Variants in NCKAP5 observed in about 807,000 individuals in gnomAD.
NCKAP5 encodes the protein nck-associated protein 5.
A neutral mutation model predicts 167.0 loss-of-function variants in NCKAP5; 92 were observed. The ratio of observed to expected loss-of-function variants is 0.55; its 90% confidence interval spans 0.47 to 0.66. NCKAP5 has a LOEUF of 0.66. Ranked by LOEUF, NCKAP5 falls within the 30% of genes least tolerant of loss-of-function variation. The pLI is 0.00. For synonymous variants in NCKAP5, 891 were observed against 877.4 expected, an observed-to-expected ratio of 1.02 and a Z score of -0.27; for missense variants, 2,378 against 2,315.0, an observed-to-expected ratio of 1.03 and a Z score of -0.56.
Position 133,431,457 on chromosome 2 carries a change from C to T in NCKAP5, c.69+86001G>A, listed in dbSNP as rs187866071. Among the ~76,000 whole-genome samples the T allele has an allele frequency of 2.0e-5, 3 of 152,206 alleles. No homozygotes were observed. In the East Asian group the frequency reaches 5.8e-4, roughly 29 times the overall value. ...AGACAACCGTTTCCAAGGTATACAG[C>T]TTGGAGGCCCTGAAGGCTTTTTCTT... On this transcript the variant is annotated intron_variant, in intron 3 of 19. Transcript: ENST00000409261.
chr2:133,376,589 A>G (rs1472469227), intron 3 of NCKAP5, among the ~76,000 whole-genome samples: 2 of 152,034 alleles, frequency 1.3e-5, no homozygotes, highest in Non-Finnish European at 2.9e-5. Context: ...CCCTACTACC[A>G]CCACTACCCA....
intron 11 of NCKAP5, among the ~76,000 whole-genome samples, chr2:132,824,388 G>A (rs4571104): frequency 0.012 from 1,847 of 152,246 alleles, 55 homozygotes; most frequent in East Asian, 0.1. Context: ...GGGTTAAGAG[G>A]GGATGAAGAA....
chr2:132,986,536 C>G (rs2077293811), intron 7 of NCKAP5, among the ~76,000 whole-genome samples: 1 of 152,128 alleles, frequency 6.6e-6, no homozygotes, highest in Non-Finnish European at 1.5e-5. Context: ...AGGAACTTTC[C>G]AGTTCTTGAA....
At chr2:133,125,952 TA>T (rs112766179) in intron 6 of NCKAP5, among the ~76,000 whole-genome samples, 11 of 148,526 alleles carry the variant, frequency 7.4e-5, no homozygotes, top group East Asian at 3.9e-4. Flanking sequence ...GGTGGTGATA[TA>T]AAAAAAAAAC....
chr2:132,770,720 T>G (rs1256959599), intron 16 of NCKAP5, among the ~76,000 whole-genome samples: 4 of 152,168 alleles, frequency 2.6e-5, no homozygotes, highest in Non-Finnish European at 4.4e-5. Flanking sequence ...GTTTGTGTGA[T>G]GAAGGAATAT....
intron 5 of NCKAP5, among the ~76,000 whole-genome samples, chr2:133,154,282 G>A (rs1376066590): frequency 6.6e-6 from 1 of 152,160 alleles, no homozygotes; most frequent in African/African-American, 2.4e-5. Context: ...ATCACATGCT[G>A]TGATTATGTA....
Position 132,859,291 on chromosome 2 carries a change from C to G in NCKAP5, c.807+1201G>C, listed in dbSNP as rs547525890. ...TTCAGCTTACCGAACATCTTTCTTTCTCTGAAATGAATTACAATTTCCCGT... is the reference window on the plus strand; with the variant it reads ...TTCAGCTTACCGAACATCTTTCTTTGTCTGAAATGAATTACAATTTCCCGT... On this transcript the variant is annotated intron_variant, in intron 11 of 19. Transcript: ENST00000409261. Among the ~76,000 whole-genome samples the G allele has an allele frequency of 3.3e-5, 5 of 152,236 alleles. No individual in the cohort carries two copies. In the South Asian group the frequency reaches 1.0e-3, roughly 32 times the overall value.
At chr2:133,288,684 T>C (rs1023003000) in intron 4 of NCKAP5, among the ~76,000 whole-genome samples, 14 of 152,144 alleles carry the variant, frequency 9.2e-5, no homozygotes, top group African/African-American at 3.4e-4. Flanking sequence ...CTGACCTTGC[T>C]CTGGTGCCCT....
At chr2:133,425,827 G>A (rs1689757907) in intron 3 of NCKAP5, among the ~76,000 whole-genome samples, 1 of 152,148 alleles carries the variant, frequency 6.6e-6, no homozygotes, top group African/African-American at 2.4e-5. Flanking sequence ...CTTCTTTTAT[G>A]CTTATGGGAT....
At chr2:133,345,913 G>A (rs1683945648) in intron 3 of NCKAP5, among the ~76,000 whole-genome samples, 1 of 152,158 alleles carries the variant, frequency 6.6e-6, no homozygotes, top group South Asian at 2.1e-4. Context: ...CTGAGCCAAA[G>A]AACCAGGAGT....
At chr2:132,950,340 T>A (rs2076145984) in intron 8 of NCKAP5, among the ~76,000 whole-genome samples, 1 of 152,182 alleles carries the variant, frequency 6.6e-6, no homozygotes, top group Admixed American at 6.5e-5. Flanking sequence ...CAATATTACA[T>A]AAATGTTATA....
intron 7 of NCKAP5, among the ~76,000 whole-genome samples, chr2:132,990,829 T>C (rs2077428503): frequency 6.6e-6 from 1 of 152,180 alleles, no homozygotes; most frequent in South Asian, 2.1e-4. Context: ...TTCAGAATTA[T>C]AAGAGAATGA....
chr2:133,297,371 T>C (rs1189124883), intron 4 of NCKAP5, among the ~76,000 whole-genome samples: 1 of 152,194 alleles, frequency 6.6e-6, no homozygotes, highest in African/African-American at 2.4e-5. Context: ...CAATTGAGCT[T>C]TTAAAGGACT....
chr2:132,938,718 A>G (rs1295894039), intron 8 of NCKAP5, among the ~76,000 whole-genome samples: 1 of 152,200 alleles, frequency 6.6e-6, no homozygotes, highest in Non-Finnish European at 1.5e-5. Flanking sequence ...AGACAGCATT[A>G]CTGGAGAAAG....
intron 4 of NCKAP5, among the ~76,000 whole-genome samples, chr2:133,226,538 G>T (rs1574436163): frequency 6.6e-6 from 1 of 151,184 alleles, no homozygotes; most frequent in Non-Finnish European, 1.5e-5. Context: ...TTTTAAATGA[G>T]GTCACTAGAA....
At chr2:133,348,841 A>G (rs573096808) in intron 3 of NCKAP5, among the ~76,000 whole-genome samples, 41 of 152,342 alleles carry the variant, frequency 2.7e-4, no homozygotes, top group South Asian at 1.7e-3. Context: ...AGAAATAAGA[A>G]GACACATGAC....
At chr2:133,369,428 G>T (rs1250265110) in intron 3 of NCKAP5, among the ~76,000 whole-genome samples, 3 of 152,206 alleles carry the variant, frequency 2.0e-5, no homozygotes, top group African/African-American at 7.2e-5. Flanking sequence ...TTAAGATGGG[G>T]TTCACTATTT....
chr2:133,620,098 T>G, the NCKAP5 span, among the ~76,000 whole-genome samples: 4 of 151,768 alleles, frequency 2.6e-5, no homozygotes, highest in Admixed American at 6.6e-5. Flanking sequence ...ATGTAACTCT[T>G]GAAACAAACT....
chr2:132,944,265 A>G (rs1697526503), intron 8 of NCKAP5, among the ~76,000 whole-genome samples: 1 of 152,198 alleles, frequency 6.6e-6, no homozygotes, highest in African/African-American at 2.4e-5. Flanking sequence ...AGGCAGATCT[A>G]GCACTCATGG....
Sources: gnomAD v4.1 joint callset for allele counts (sites outside exome capture counted in the v4.1 genomes callset) on GRCh38, gnomAD v4.1.1 for gene constraint, MANE v1.5 for transcripts, NCBI Gene and HGNC (gene_info 2026-07-23, HGNC 2026-07-21) for gene names.